MCC: variants seen among roughly 807,000 people sequenced by gnomAD.
MCC encodes MCC regulator of Wnt signaling pathway, also known as colorectal mutant cancer protein.
Under a neutral mutation model 116.2 loss-of-function variants are expected in MCC, and 90 were observed. The observed-to-expected ratio is 0.77, with a 90% CI of 0.65 to 0.92. MCC has a LOEUF of 0.92. Ranked by LOEUF, MCC falls within the 40% of genes least tolerant of loss-of-function variation. MCC has a pLI of 0.00. For missense variants in MCC, 1,516 were observed against 1,312.2 expected (o/e 1.16, Z -2.40); for synonymous variants, 578 against 510.5 (o/e 1.13, Z -1.78).
chr5:113,468,089 A>G (rs1376878131), intron 1 of MCC, among the ~76,000 whole-genome samples: 1 of 152,116 alleles, frequency 6.6e-6, no homozygotes, highest in Admixed American at 6.5e-5. Flanking sequence ...GGGCTGAGAC[A>G]ATGGGGTTTT....
chr5:113,283,464 A>C (rs1245001465), intron 3 of MCC, among the ~76,000 whole-genome samples: 1 of 152,246 alleles, frequency 6.6e-6, no homozygotes, highest in East Asian at 1.9e-4. Context: ...AATCAAACCC[A>C]CAATGAGATA....
chr5:113,130,567 C>A (rs541070126), intron 5 of MCC, among the ~76,000 whole-genome samples: 1 of 152,252 alleles, frequency 6.6e-6, no homozygotes, highest in East Asian at 1.9e-4. Flanking sequence ...GAAATTTCAC[C>A]CCCAATATTG....
intron 14 of MCC, 109 bp downstream of exon 14, chr5:113,063,875 C>T: frequency 2.4e-6 from 3 of 1,248,828 alleles, no homozygotes; most frequent in Non-Finnish European, 3.3e-6. Context: ...CCATGTCTGC[C>T]TTTTCCCAAG....
chr5:113,095,805 G>T (rs965518393), intron 8 of MCC, among the ~76,000 whole-genome samples: 1 of 152,132 alleles, frequency 6.6e-6, no homozygotes, highest in East Asian at 1.9e-4. Flanking sequence ...TTTAATCTGG[G>T]GGGTGTCTAG....
chr5:113,352,348 T>C (rs1402829762), intron 2 of MCC, among the ~76,000 whole-genome samples: 1 of 152,120 alleles, frequency 6.6e-6, no homozygotes, highest in East Asian at 1.9e-4. Context: ...TGTGTTCACC[T>C]CCTTGTGAAC....
intron 6 of MCC, among the ~76,000 whole-genome samples, chr5:113,113,643 T>C (rs1757225652): frequency 9.0e-6 from 1 of 111,316 alleles, no homozygotes; most frequent in Non-Finnish European, 1.9e-5. Flanking sequence ...AACCCACATA[T>C]GTTCTTGCAA....
At chr5:113,484,952 T>A (rs900071775) in intron 1 of MCC, among the ~76,000 whole-genome samples, 3 of 152,218 alleles carry the variant, frequency 2.0e-5, no homozygotes, top group African/African-American at 4.8e-5. Context: ...CTCACTCTGC[T>A]GCCCAAATCC....
intron 11 of MCC, among the ~76,000 whole-genome samples, chr5:113,073,787 C>T (rs139778560): frequency 1.8e-4 from 27 of 152,250 alleles, no homozygotes; most frequent in African/African-American, 4.8e-4. Context: ...ACTGCTAGCA[C>T]AGCAGTCTGA....
chr5:113,450,975 C>T (rs1771375911), intron 1 of MCC, among the ~76,000 whole-genome samples: 1 of 152,204 alleles, frequency 6.6e-6, no homozygotes. Flanking sequence ...TTTTTTCACC[C>T]CCATTCTCTC....
chr5:113,097,639 G>A (rs996739338), intron 8 of MCC, among the ~76,000 whole-genome samples: 10 of 152,146 alleles, frequency 6.6e-5, no homozygotes, highest in Admixed American at 2.6e-4. Context: ...CAGCTCAGAC[G>A]GGACTATGGC....
At chr5:113,217,875 A>G (rs1226158466) in intron 3 of MCC, among the ~76,000 whole-genome samples, 2 of 152,140 alleles carry the variant, frequency 1.3e-5, no homozygotes, top group African/African-American at 4.8e-5. Context: ...ACATGAGCAC[A>G]TGAGTGTGCA....
rs141055908 is a variant in MCC, at chr5:113,146,759, C to A, written c.742-3399G>T. The stretch of plus-strand genomic sequence containing the variant: ...TTCTTCTCTCTACTGGACAGAGACA[C>A]CCCATACAATTTCAGCTGAACAAAA... On this transcript the variant is annotated intron_variant, in intron 4 of 18. Transcript: ENST00000408903. Among the ~76,000 whole-genome samples the A allele has an allele frequency of 7.2e-3, 1,089 of 152,288 alleles. 6 individuals carry two copies. The highest frequency in any genetic ancestry group is 0.014 in the Middle Eastern group (4 of 294).
chr5:113,324,684 T>G (rs910733005), intron 3 of MCC, among the ~76,000 whole-genome samples: 2 of 152,204 alleles, frequency 1.3e-5, no homozygotes, highest in African/African-American at 4.8e-5. Context: ...AATCTAAAGG[T>G]AGCACTGGCA....
chr5:113,466,003 C>G (rs897854161), intron 1 of MCC, among the ~76,000 whole-genome samples: 1 of 151,294 alleles, frequency 6.6e-6, no homozygotes, highest in African/African-American at 2.4e-5. Context: ...GTGGCGCGAT[C>G]TCGGCTCACT....
intron 11 of MCC, among the ~76,000 whole-genome samples, chr5:113,073,665 T>G (rs1754205135): frequency 6.6e-6 from 1 of 151,984 alleles, no homozygotes; most frequent in African/African-American, 2.4e-5. Context: ...GCTTTTTTTT[T>G]TTTTTCTTTT....
chr5:113,433,662 G>C (rs773100109), intron 1 of MCC: 49 of 1,507,142 alleles, frequency 3.3e-5, no homozygotes, highest in Non-Finnish European at 3.9e-5. Context: ...TCCTTCTCTG[G>C]CTCCACCCTT....
chr5:113,455,378 C>G (rs1465472542), intron 1 of MCC, among the ~76,000 whole-genome samples: 4 of 152,128 alleles, frequency 2.6e-5, no homozygotes, highest in South Asian at 2.1e-4. Flanking sequence ...TGCACTCCCC[C>G]CCACCATCAC....
chr5:113,407,498 G>A (rs1263219650), intron 1 of MCC, among the ~76,000 whole-genome samples: 2 of 152,116 alleles, frequency 1.3e-5, no homozygotes, highest in Admixed American at 6.5e-5. Flanking sequence ...CTGAGCAAGT[G>A]GTGAGCCAGT....
At chr5:113,108,423 G>C (rs202141297) in intron 6 of MCC, among the ~76,000 whole-genome samples, 2 of 151,516 alleles carry the variant, frequency 1.3e-5, no homozygotes, top group African/African-American at 2.4e-5. Flanking sequence ...GGGAGGCTGA[G>C]GCGGGCAGAT....
Sources: gnomAD v4.1 joint callset for allele counts (sites outside exome capture counted in the v4.1 genomes callset) on GRCh38, gnomAD v4.1.1 for gene constraint, MANE v1.5 for transcripts, NCBI Gene and HGNC (gene_info 2026-07-23, HGNC 2026-07-21) for gene names.